The following MVB12B variants were observed in gnomAD, a reference collection of about 807,000 sequenced individuals.
The protein encoded by MVB12B is ESCRT-I complex subunit MVB12B.
In MVB12B, 16 loss-of-function variants were observed where a neutral mutation model predicts 41.6. The ratio of observed to expected loss-of-function variants is 0.38; its 90% CI spans 0.26 to 0.58. The LOEUF is 0.58. Among genes scored for constraint, MVB12B ranks in the 20% least tolerant of loss-of-function variants. The pLI, the probability that MVB12B is intolerant of heterozygous loss-of-function variation, is 0.62. For synonymous variants in MVB12B, 133 were observed against 139.7 expected (o/e 0.95, Z 0.34); for missense variants, 274 against 380.2 (o/e 0.72, Z 2.32).
rs186486997 is a variant in MVB12B, at chr9:126,473,138, A to G, written c.758-8231A>G. 1.8e-3 allele frequency among the ~76,000 whole-genome samples: 281 copies of G among 152,104 alleles called. No homozygotes were observed. Among genetic ancestry groups the G allele is most frequent in the African/African-American group, 6.5e-3 (268 of 41,474 alleles). On this transcript the variant is annotated intron_variant, in intron 7 of 9. Coordinates refer to ENST00000361171, the MANE Select transcript of MVB12B (RefSeq NM_033446.3). The surrounding 1 kb of genome is among the most constrained non-coding windows in gnomAD (Gnocchi z 4.0). ...TATTTCATTTTTCTTCACCCTCACC[A>G]CAGCCCGCAGAGGCAGCTGTAGTAT...
intron 7 of MVB12B, among the ~76,000 whole-genome samples, chr9:126,463,532 G>A (rs929157927): frequency 1.3e-5 from 2 of 152,160 alleles, no homozygotes; most frequent in Admixed American, 6.5e-5. Flanking sequence ...GATTGCTGCC[G>A]ACACTCTGTG....
chr9:126,442,618 G>A lies in MVB12B; in HGVS notation c.757+20670G>A, dbSNP rs115948490. 6.9e-3 allele frequency among the ~76,000 whole-genome samples: 1,046 copies of A among 152,216 alleles called. 15 individuals carry two copies. The highest frequency in any genetic ancestry group is 0.024 in the African/African-American group (995 of 41,514). ...TCACTCAAGTTCCAATTTGGTGACC[G>A]TGGATTGGCTGGAACCCTGCTCCTT... On this transcript the variant is annotated intron_variant, in intron 7 of 9. Transcript: ENST00000361171.
chr9:126,370,251 C>T (rs878914800), intron 2 of MVB12B, among the ~76,000 whole-genome samples: 2 of 152,066 alleles, frequency 1.3e-5, no homozygotes, highest in East Asian at 1.9e-4. Flanking sequence ...AAGTGGCGTG[C>T]AGGTTCAGGT....
Position 126,459,389 on chromosome 9 carries a change from C to T in MVB12B, c.758-21980C>T, listed in dbSNP as rs969770370. On this transcript the variant is annotated intron_variant, in intron 7 of 9. Coordinates refer to ENST00000361171, the MANE Select transcript of MVB12B (RefSeq NM_033446.3). This position sits in a 1 kb window ranked among gnomAD's most constrained non-coding sequence, Gnocchi z 4.3. ...TGGTGCTTGGCACAAAGTCCAAAGCCGTCTCCAAGACGCAGCTGCATCACT... is the reference window on the plus strand; with the variant it reads ...TGGTGCTTGGCACAAAGTCCAAAGCTGTCTCCAAGACGCAGCTGCATCACT... Among the ~76,000 whole-genome samples the T allele has an allele frequency of 1.6e-4, 25 of 152,294 alleles. No individual in the cohort carries two copies. In the South Asian group the frequency reaches 5.2e-3, roughly 32 times the overall value.
chr9:126,428,321 T>C (rs1832237232), intron 7 of MVB12B, among the ~76,000 whole-genome samples: 3 of 152,220 alleles, frequency 2.0e-5, no homozygotes, highest in Admixed American at 2.0e-4. Flanking sequence ...ATTATGAAAT[T>C]CATGATTTAT....
At chr9:126,440,379 C>A (rs1014628940) in intron 7 of MVB12B, among the ~76,000 whole-genome samples, 1 of 152,206 alleles carries the variant, frequency 6.6e-6, no homozygotes, top group Non-Finnish European at 1.5e-5. Flanking sequence ...GCTGAACTTC[C>A]CGTGGAAGCA....
At chr9:126,357,725 A>G (rs1008762830) in intron 2 of MVB12B, among the ~76,000 whole-genome samples, 2 of 152,030 alleles carry the variant, frequency 1.3e-5, no homozygotes, top group Admixed American at 6.6e-5. Flanking sequence ...TATTTTAAGT[A>G]CAATTCCTTT....
At chr9:126,456,129 G>C (rs985023567) in intron 7 of MVB12B, among the ~76,000 whole-genome samples, 1 of 152,194 alleles carries the variant, frequency 6.6e-6, no homozygotes, top group East Asian at 1.9e-4. Context: ...GACCTTAGGT[G>C]ATCCGCCCAC....
chr9:126,479,499 C>T (rs527786536), intron 7 of MVB12B, among the ~76,000 whole-genome samples: 8 of 152,296 alleles, frequency 5.3e-5, no homozygotes, highest in Middle Eastern at 3.4e-3. Flanking sequence ...GGTCTGCACG[C>T]GGGATGTACT....
At chr9:126,371,054 C>T (rs769819839) in intron 2 of MVB12B, among the ~76,000 whole-genome samples, 5 of 152,198 alleles carry the variant, frequency 3.3e-5, no homozygotes, top group Admixed American at 6.5e-5. Flanking sequence ...TCTGTAGTGA[C>T]GATCAGGTGT....
rs555793568 is a variant in MVB12B, at chr9:126,501,734, T to C, written c.874-1443T>C. Among the ~76,000 whole-genome samples, 18 of 152,340 alleles carry C rather than the reference T, an allele frequency of 1.2e-4. No individual in the cohort carries two copies. In the South Asian group the frequency reaches 3.5e-3, roughly 30 times the overall value. The stretch of plus-strand genomic sequence containing the variant: ...TGCTCCTTCATGGTTGGATGGCTTT[T>C]GGGCCCCACTGTGCCCCTGAAGGCT... On this transcript the variant is annotated intron_variant, in intron 9 of 9. Coordinates refer to ENST00000361171, the MANE Select transcript of MVB12B (RefSeq NM_033446.3).
Position 126,395,717 on chromosome 9 carries a change from T to C in MVB12B, c.662+20T>C. 6.2e-7 allele frequency: 1 copy of C among 1,613,574 alleles called. No individual in the cohort carries two copies. Among genetic ancestry groups the C allele is most frequent in the South Asian group, 1.1e-5 (1 of 91,034 alleles). ...TCCCAGGTGAGGCCTTGTCGGGGTG[T>C]CTTGCGTTGTCCTGTGGTCTTAGGT... On this transcript the variant is annotated intron_variant, in intron 6 of 9. Transcript: ENST00000361171. The surrounding 1 kb of genome is among the most constrained non-coding windows in gnomAD (Gnocchi z 4.9).
At chr9:126,404,565 A>G (rs773628314) in intron 6 of MVB12B, among the ~76,000 whole-genome samples, 4 of 152,234 alleles carry the variant, frequency 2.6e-5, no homozygotes, top group Non-Finnish European at 5.9e-5. Flanking sequence ...CTGACCAGCA[A>G]CTGGTGAATG....
At chr9:126,467,000 G>A (rs1833215008) in intron 7 of MVB12B, among the ~76,000 whole-genome samples, 1 of 151,506 alleles carries the variant, frequency 6.6e-6, no homozygotes, top group African/African-American at 2.4e-5. Context: ...GCTAATTTTT[G>A]GATTTTTTTT....
At chr9:126,467,366 A>G (rs1833221422) in intron 7 of MVB12B, among the ~76,000 whole-genome samples, 1 of 152,190 alleles carries the variant, frequency 6.6e-6, no homozygotes, top group South Asian at 2.1e-4. Flanking sequence ...TGGGAGGCCC[A>G]CGGTGCTGGT....
In MVB12B at chr9:126,502,381, C is replaced by T. The variant is rs372018316; in HGVS notation, c.874-796C>T. Among the ~76,000 whole-genome samples the T allele has an allele frequency of 2.5e-3, 388 of 152,230 alleles. 5 individuals carry two copies. The highest frequency in any genetic ancestry group is 9.2e-3 in the African/African-American group (383 of 41,528). The stretch of plus-strand genomic sequence containing the variant: ...TTAAGTGAACTACAGGTGCTCCTAG[C>T]CCCCTCAGAGGTACTTAACCCCTTC... On this transcript the variant is annotated intron_variant, in intron 9 of 9. Transcript: ENST00000361171.
intron 2 of MVB12B, among the ~76,000 whole-genome samples, chr9:126,347,470 G>T (rs924060934): frequency 5.3e-5 from 8 of 152,198 alleles, no homozygotes; most frequent in African/African-American, 1.9e-4. Context: ...TGCCCAAAAC[G>T]TAGTAGGAAT....
intron 7 of MVB12B, among the ~76,000 whole-genome samples, chr9:126,446,081 G>A (rs1282639556): frequency 6.6e-6 from 1 of 152,076 alleles, no homozygotes; most frequent in Non-Finnish European, 1.5e-5. Context: ...ATAGATTTGG[G>A]GGAATTTGGA....
intron 8 of MVB12B, 122 bp from the exon 9 acceptor site, chr9:126,483,851 A>C (rs150661274): frequency 6.1e-6 from 6 of 978,632 alleles, no homozygotes; most frequent in Non-Finnish European, 9.6e-6. Context: ...TCCTGTGGAA[A>C]GTGGGTAGAG....
Sources: gnomAD v4.1 joint callset for allele counts (sites outside exome capture counted in the v4.1 genomes callset) on GRCh38, gnomAD v4.1.1 for gene constraint, Gnocchi (gnomAD v3.1) non-coding constraint, MANE v1.5 for transcripts, NCBI Gene and HGNC (gene_info 2026-07-23, HGNC 2026-07-21) for gene names.